SPSB4: variants seen among roughly 807,000 people sequenced by gnomAD.
SPSB4 encodes splA/ryanodine receptor domain and SOCS box containing 4.
SPSB4 carries 21 observed loss-of-function variants against 20.9 expected under a neutral mutation model. That is an observed-to-expected ratio of 1.01 (90% CI 0.71 to 1.45). The LOEUF (loss-of-function observed/expected upper bound fraction) is 1.45, where lower values mean the gene tolerates loss of function less well. SPSB4 is among the 40% of genes most tolerant of loss of function. SPSB4 has a pLI of 0.00. For missense variants in SPSB4, 399 were observed against 399.2 expected, an observed-to-expected ratio of 1.00 and a Z score of 0.00; for synonymous variants, 207 against 183.8, an observed-to-expected ratio of 1.13 and a Z score of -1.02.
chr3:141,143,319 G>T (rs996705924), intron 2 of SPSB4, among the ~76,000 whole-genome samples: 1 of 152,220 alleles, frequency 6.6e-6, no homozygotes, highest in African/African-American at 2.4e-5. Flanking sequence ...TCACCTTGAT[G>T]TGGTACTCTC....
chr3:141,105,280 C>G (rs1370683895), intron 2 of SPSB4, among the ~76,000 whole-genome samples: 1 of 152,198 alleles, frequency 6.6e-6, no homozygotes, highest in Non-Finnish European at 1.5e-5. Context: ...AAGCATCCGC[C>G]TTGTGCAGTA....
intron 2 of SPSB4, among the ~76,000 whole-genome samples, chr3:141,108,700 G>T (rs755989527): frequency 1.3e-5 from 2 of 152,218 alleles, no homozygotes; most frequent in Non-Finnish European, 2.9e-5. Context: ...ATTAATAAAG[G>T]GCTCTGGGTA....
intron 2 of SPSB4, among the ~76,000 whole-genome samples, chr3:141,136,798 G>T (rs1314572505): frequency 6.6e-6 from 1 of 152,184 alleles, no homozygotes; most frequent in East Asian, 1.9e-4. Flanking sequence ...TGTTCTGTTG[G>T]CTTAGGATTG....
chr3:141,061,740 T>C (rs1378897035), intron 1 of SPSB4, among the ~76,000 whole-genome samples: 2 of 2,160 alleles, frequency 9.3e-4, no homozygotes, highest in Non-Finnish European at 0.033. Context: ...CTTTCTTTCT[T>C]TTTTTTTTTT....
rs1553737338 is a variant in SPSB4, at chr3:141,066,241, C to CG, written c.141dup (p.Leu48AlafsTer89). 6.5e-7 allele frequency: 1 copy of CG among 1,528,498 alleles called. No homozygotes were observed. The highest frequency in any genetic ancestry group is 8.8e-7 in the Non-Finnish European group (1 of 1,138,622). The allele number at this position is 1,528,498 out of a possible 1,614,324, so 94.7% of individuals were successfully genotyped here. A position where few individuals can be genotyped will look rare whatever the true frequency, so the allele number is the denominator to read the frequency against. On this transcript the variant is annotated frameshift_variant, in exon 2 of 3. Transcript: ENST00000310546. LOFTEE classifies it high-confidence loss of function. ...GACCAGCTGTTGGACATGCCAGCGG[C>CG]GGGGCTGGCTGTGCAGCTGCGGCAC...
Position 141,051,617 on chromosome 3 carries a change from G to T in SPSB4, c.-529G>T, listed in dbSNP as rs1305778836. On this transcript the variant is annotated 5_prime_UTR_variant, in exon 1 of 3. Transcript: ENST00000310546. ...GGGGCCAGCGGCCGAGGCGCGGCCC[G>T]TGCGCCCTGAGCGCGGGACTCGTCG... 2 of 148,172 alleles carry T rather than the reference G, an allele frequency of 1.3e-5. No homozygotes were observed. The highest frequency in any genetic ancestry group is 4.9e-5 in the African/African-American group (2 of 40,556). 9.2% of individuals were successfully genotyped at this position (148,172 alleles called of 1,614,324 possible). A position where few individuals can be genotyped will look rare whatever the true frequency, so the allele number is the denominator to read the frequency against.
intron 2 of SPSB4, among the ~76,000 whole-genome samples, chr3:141,072,007 T>G (rs892205206): frequency 6.6e-6 from 1 of 152,228 alleles, no homozygotes; most frequent in Non-Finnish European, 1.5e-5. Flanking sequence ...TAGACCCCCG[T>G]GCATCTCCCG....
In SPSB4 at chr3:141,097,874, C is replaced by A. The variant is rs114262901; in HGVS notation, c.694+31076C>A. On this transcript the variant is annotated intron_variant, in intron 2 of 2. Coordinates refer to ENST00000310546, the MANE Select transcript of SPSB4 (RefSeq NM_080862.3). ...AGAAAATTACTGATAATAATAGTGACCCTTTAATGAATAGCCATTGTATTG... is the reference window on the plus strand; with the variant it reads ...AGAAAATTACTGATAATAATAGTGAACCTTTAATGAATAGCCATTGTATTG... Among the ~76,000 whole-genome samples the A allele has an allele frequency of 7.5e-3, 1,134 of 152,212 alleles. 20 individuals are homozygous for A. Among genetic ancestry groups the A allele is most frequent in the African/African-American group, 0.026 (1,067 of 41,510 alleles).
chr3:141,145,121 G>A (rs1247440523), intron 2 of SPSB4, among the ~76,000 whole-genome samples: 1 of 151,786 alleles, frequency 6.6e-6, no homozygotes, highest in East Asian at 1.9e-4. Flanking sequence ...CATTTTGTAT[G>A]AGGATCGATA....
At chr3:141,143,058 T>C (rs1016811907) in intron 2 of SPSB4, among the ~76,000 whole-genome samples, 89 of 152,210 alleles carry the variant, frequency 5.8e-4, no homozygotes, top group African/African-American at 1.8e-3. Context: ...CTTTGTGATC[T>C]GCCCACCTTG....
At chr3:141,076,054 G>A (rs1277700831) in intron 2 of SPSB4, among the ~76,000 whole-genome samples, 2 of 151,050 alleles carry the variant, frequency 1.3e-5, no homozygotes, top group African/African-American at 5.0e-5. Flanking sequence ...GTGAAACTGT[G>A]TCTCAAAAAA....
intron 2 of SPSB4, among the ~76,000 whole-genome samples, chr3:141,101,196 C>G (rs1323856326): frequency 3.3e-5 from 5 of 152,302 alleles, no homozygotes; most frequent in African/African-American, 1.2e-4. Context: ...GAGCCCAACT[C>G]TTGTCCCCTT....
intron 1 of SPSB4, among the ~76,000 whole-genome samples, chr3:141,054,838 G>A (rs911342028): frequency 5.3e-5 from 8 of 152,198 alleles, no homozygotes; most frequent in Non-Finnish European, 8.8e-5. Flanking sequence ...GGCGGCTTGC[G>A]CCTGTAGTCC....
intron 1 of SPSB4, among the ~76,000 whole-genome samples, chr3:141,060,423 G>A (rs1353414161): frequency 6.6e-6 from 1 of 152,184 alleles, no homozygotes; most frequent in Middle Eastern, 3.2e-3. Flanking sequence ...ACAACATGGA[G>A]GAAGAAGTAA....
intron 2 of SPSB4, among the ~76,000 whole-genome samples, chr3:141,069,777 G>T (rs1321762692): frequency 6.6e-6 from 1 of 152,188 alleles, no homozygotes; most frequent in Non-Finnish European, 1.5e-5. Flanking sequence ...CCCCTGTGTT[G>T]ATTAACTAGG....
intron 2 of SPSB4, among the ~76,000 whole-genome samples, chr3:141,074,848 G>C (rs1025964117): frequency 6.6e-6 from 1 of 152,164 alleles, no homozygotes; most frequent in African/African-American, 2.4e-5. Flanking sequence ...TTGGACCTTT[G>C]GGAAAAAGGG....
intron 2 of SPSB4, among the ~76,000 whole-genome samples, chr3:141,101,320 G>A (rs2107795315): frequency 6.6e-6 from 1 of 152,326 alleles, no homozygotes; most frequent in South Asian, 2.1e-4. Context: ...AAGGCTGGGA[G>A]GTCAGGAGAG....
chr3:141,146,840 A>G (rs933293011), intron 2 of SPSB4, among the ~76,000 whole-genome samples: 24 of 151,760 alleles, frequency 1.6e-4, no homozygotes, highest in Admixed American at 1.5e-3. Context: ...TCATGAAACA[A>G]TATTTATCCT....
intron 2 of SPSB4, among the ~76,000 whole-genome samples, chr3:141,082,188 A>G (rs750731068): frequency 3.3e-5 from 5 of 152,158 alleles, no homozygotes; most frequent in Non-Finnish European, 5.9e-5. Flanking sequence ...TGCTGAACCC[A>G]TGGCCCATCG....
Sources: gnomAD v4.1 joint callset for allele counts (sites outside exome capture counted in the v4.1 genomes callset) on GRCh38, gnomAD v4.1.1 for gene constraint, MANE v1.5 for transcripts, NCBI Gene and HGNC (gene_info 2026-07-23, HGNC 2026-07-21) for gene names.